POLR3G: variants seen among roughly 807,000 people sequenced by gnomAD.
The protein encoded by POLR3G is RNA polymerase III subunit G.
A neutral mutation model predicts 30.1 loss-of-function variants in POLR3G; 28 were observed. The ratio of observed to expected loss-of-function variants is 0.93; its 90% CI spans 0.69 to 1.27. The LOEUF (loss-of-function observed/expected upper bound fraction) is 1.27. Among genes scored for constraint, POLR3G ranks in the 50% most tolerant of loss-of-function variants. The probability of loss-of-function intolerance (pLI) is 0.00; values close to 1 mark genes in which losing one functional copy is unlikely to be tolerated. For missense variants in POLR3G, 254 were observed against 264.6 expected, an observed-to-expected ratio of 0.96 and a Z score of 0.28; for synonymous variants, 79 against 82.5, an observed-to-expected ratio of 0.96 and a Z score of 0.23.
At chr5:90,505,813 T>G (rs1028537854) in intron 6 of POLR3G, among the ~76,000 whole-genome samples, 3 of 152,186 alleles carry the variant, frequency 2.0e-5, no homozygotes, top group Admixed American at 6.5e-5. Flanking sequence ...GCCTCATGTA[T>G]AAAGTGAAAC....
intron 5 of POLR3G, among the ~76,000 whole-genome samples, chr5:90,498,065 G>A (rs972845353): frequency 5.3e-5 from 8 of 152,096 alleles, no homozygotes; most frequent in African/African-American, 1.7e-4. Flanking sequence ...AGCCTAAACT[G>A]CACCACTGCA....
At chr5:90,480,028 A>G (rs1751044052) in intron 1 of POLR3G, among the ~76,000 whole-genome samples, 1 of 152,218 alleles carries the variant, frequency 6.6e-6, no homozygotes, top group African/African-American at 2.4e-5. Context: ...ATTGCAAAGA[A>G]AGTGACATTT....
In POLR3G at chr5:90,512,834, C is replaced by T. The variant is rs1196103313; in HGVS notation, c.*695C>T. 2 of 152,068 alleles carry T rather than the reference C, an allele frequency of 1.3e-5. No individual in the cohort carries two copies. The highest frequency in any genetic ancestry group is 2.9e-5 in the Non-Finnish European group (2 of 67,964). The allele number at this position is 152,068 out of a possible 1,614,324, so 9.4% of individuals were successfully genotyped here. A position where few individuals can be genotyped will look rare whatever the true frequency, so the allele number is the denominator to read the frequency against. On this transcript the variant is annotated 3_prime_UTR_variant, in exon 8 of 8. Coordinates refer to ENST00000651687, the MANE Select transcript of POLR3G (RefSeq NM_006467.3). ...AATACTGTATATGAATTAATCATCC[C>T]ACTGTAATAACTGACATCTTCAAAT...
intron 2 of POLR3G, among the ~76,000 whole-genome samples, chr5:90,487,203 A>G (rs922939596): frequency 6.6e-6 from 1 of 151,978 alleles, no homozygotes; most frequent in African/African-American, 2.4e-5. Flanking sequence ...GAGATACTGG[A>G]TGTTGGATAT....
At chr5:90,510,382 G>GA (rs906545280) in intron 7 of POLR3G, among the ~76,000 whole-genome samples, 51 of 136,992 alleles carry the variant, frequency 3.7e-4, no homozygotes, top group South Asian at 4.6e-4. Context: ...GCGTCTCAAA[G>GA]AAAAAAAAAA....
At chr5:90,485,969 T>C (rs1384719170) in intron 2 of POLR3G, among the ~76,000 whole-genome samples, 1 of 152,232 alleles carries the variant, frequency 6.6e-6, no homozygotes, top group African/African-American at 2.4e-5. Flanking sequence ...TAAATTCCAA[T>C]ATGAAAATAA....
At chr5:90,481,125 AT>A (rs1751103275) in intron 1 of POLR3G, among the ~76,000 whole-genome samples, 1 of 152,192 alleles carries the variant, frequency 6.6e-6, no homozygotes, top group East Asian at 1.9e-4. Flanking sequence ...CCATTTTGCA[AT>A]TCATAATGGA....
intron 6 of POLR3G, among the ~76,000 whole-genome samples, chr5:90,505,665 G>T (rs937836285): frequency 2.0e-5 from 3 of 151,916 alleles, no homozygotes; most frequent in African/African-American, 7.3e-5. Flanking sequence ...TTCTCAATCT[G>T]CCAGATATAT....
At chr5:90,503,339 GAGTTAGAGAC>G (rs1427808254) in intron 6 of POLR3G, among the ~76,000 whole-genome samples, 3 of 152,178 alleles carry the variant, frequency 2.0e-5, no homozygotes, top group African/African-American at 7.2e-5. Context: ...ACCAGTACTG[GAGTTAGAGAC>G]AACATGTCTG....
intron 3 of POLR3G, among the ~76,000 whole-genome samples, chr5:90,490,090 G>C (rs1195435987): frequency 1.3e-5 from 2 of 151,850 alleles, no homozygotes; most frequent in Non-Finnish European, 2.9e-5. Context: ...CTGGGTGACA[G>C]AGTGAGACTC....
intron 6 of POLR3G, among the ~76,000 whole-genome samples, chr5:90,504,065 A>G (rs1365046439): frequency 5.3e-5 from 8 of 152,242 alleles, no homozygotes; most frequent in Admixed American, 2.0e-4. Context: ...GAATGAAGCA[A>G]TGAGACAATA....
chr5:90,511,339 TG>T (rs1407117420), intron 7 of POLR3G, among the ~76,000 whole-genome samples: 1 of 64,300 alleles, frequency 1.6e-5, no homozygotes, highest in African/African-American at 4.6e-5. Flanking sequence ...TCAAAAAGTT[TG>T]TTTGTTCCAA....
chr5:90,513,046 TCAG>T lies in POLR3G; in HGVS notation c.*908_*910del, dbSNP rs945081746. 5 of 151,984 alleles carry T rather than the reference TCAG, an allele frequency of 3.3e-5. No homozygotes were observed. Among genetic ancestry groups the T allele is most frequent in the African/African-American group, 7.2e-5 (3 of 41,412 alleles). The allele number at this position is 151,984 out of a possible 1,614,324, so 9.4% of individuals were successfully genotyped here. A position where few individuals can be genotyped will look rare whatever the true frequency, so the allele number is the denominator to read the frequency against. On this transcript the variant is annotated 3_prime_UTR_variant, in exon 8 of 8. Coordinates refer to ENST00000651687, the MANE Select transcript of POLR3G (RefSeq NM_006467.3). ...ATTTATATAAAAATGCAAAATGAAC[TCAG>T]GTCATTTTGAAATTAATATTAATAT...
intron 6 of POLR3G, 29 bp from the exon 7 acceptor site, chr5:90,506,499 T>C: frequency 1.2e-6 from 2 of 1,605,174 alleles, no homozygotes; most frequent in African/African-American, 1.3e-5. Flanking sequence ...GTGGTTTCCA[T>C]ACAAATTAAT....
intron 1 of POLR3G, among the ~76,000 whole-genome samples, chr5:90,483,451 A>C (rs1751250764): frequency 6.6e-6 from 1 of 152,230 alleles, no homozygotes; most frequent in Non-Finnish European, 1.5e-5. Context: ...AAGATGTTGA[A>C]TATATGATTT....
rs1172601345 is a variant in POLR3G at position 90,488,072 on chromosome 5, T to C, written c.190T>C (p.Leu64=). The C allele has an allele frequency of 1.9e-6, 3 of 1,611,540 alleles. No individual in the cohort carries two copies. The highest frequency in any genetic ancestry group is 8.5e-7 in the Non-Finnish European group (1 of 1,178,910). ...ATATATGCTGGCTTTGAAACAGGAGTTGAGAGAAACAATGAAAAGAATGCC... is the reference window on the plus strand; with the variant it reads ...ATATATGCTGGCTTTGAAACAGGAGCTGAGAGAAACAATGAAAAGAATGCC... The part of the protein sequence containing the change: ...EEYMLALKQE[L]RETMKRMPYF... Residue 64 remains leucine, a synonymous_variant, in exon 3 of 8, where the codon TTG becomes CTG. Transcript: ENST00000651687.
intron 3 of POLR3G, among the ~76,000 whole-genome samples, chr5:90,488,460 G>A (rs1478377039): frequency 1.3e-5 from 2 of 151,994 alleles, no homozygotes; most frequent in African/African-American, 2.4e-5. Context: ...TCTTATGCAT[G>A]TATATTCTCT....
intron 1 of POLR3G, among the ~76,000 whole-genome samples, chr5:90,478,002 C>T (rs576083015): frequency 9.2e-5 from 14 of 152,150 alleles, no homozygotes; most frequent in Non-Finnish European, 1.8e-4. Context: ...CCTGTCATAG[C>T]CGTAATGTGA....
rs1460623380 is a variant in POLR3G at position 90,514,544 on chromosome 5, CACAA to C, written c.*2410_*2413del. ...CAAATATTCTTGAATAAACAATCAC[CACAA>C]ACAACAAAACTCTGGTTAATGATTA... On this transcript the variant is annotated 3_prime_UTR_variant, in exon 8 of 8. Coordinates refer to ENST00000651687, the MANE Select transcript of POLR3G (RefSeq NM_006467.3). The C allele has an allele frequency of 6.6e-6, 1 of 151,948 alleles. No homozygotes were observed. The highest frequency in any genetic ancestry group is 1.5e-5 in the Non-Finnish European group (1 of 68,006). 9.4% of individuals were successfully genotyped at this position (151,948 alleles called of 1,614,324 possible).
Sources: gnomAD v4.1 joint callset for allele counts (sites outside exome capture counted in the v4.1 genomes callset) on GRCh38, gnomAD v4.1.1 for gene constraint, MANE v1.5 for transcripts, NCBI Gene and HGNC (gene_info 2026-07-23, HGNC 2026-07-21) for gene names.